Variants in CEP83 observed in about 807,000 individuals in gnomAD.
The protein encoded by CEP83 is centrosomal protein 83.
A neutral mutation model predicts 101.9 loss-of-function variants in CEP83; 70 were observed. The observed-to-expected ratio is 0.69, with a 90% CI of 0.57 to 0.84. The LOEUF (loss-of-function observed/expected upper bound fraction) is 0.84, where lower values mean the gene tolerates loss of function less well. Ranked by LOEUF, CEP83 falls within the 40% of genes least tolerant of loss-of-function variation. The pLI is 0.00. For missense variants in CEP83, 715 were observed against 787.2 expected, an observed-to-expected ratio of 0.91 and a Z score of 1.10; for synonymous variants, 264 against 267.9, an observed-to-expected ratio of 0.99 and a Z score of 0.14.
At chr12:94,445,978 T>C (rs1162073155) in intron 1 of CEP83, among the ~76,000 whole-genome samples, 1 of 152,240 alleles carries the variant, frequency 6.6e-6, no homozygotes, top group Non-Finnish European at 1.5e-5. Context: ...AAATTTCAAA[T>C]AAAGTATATA....
At chr12:94,376,745 ATATTT>A (rs1478590761) in intron 7 of CEP83, among the ~76,000 whole-genome samples, 59 of 113,262 alleles carry the variant, frequency 5.2e-4, no homozygotes, top group African/African-American at 1.7e-3. Flanking sequence ...ATATATATAT[ATATTT>A]TTTTTTTGAG....
chr12:94,331,621 C>T, intron 14 of CEP83, 79 bp downstream of exon 14: 17 of 1,280,718 alleles, frequency 1.3e-5, no homozygotes, highest in Non-Finnish European at 1.8e-5. Context: ...ATCCACCTGC[C>T]TCCGCCTCCC....
At chr12:94,320,489 T>G (rs1395350133) in intron 14 of CEP83, among the ~76,000 whole-genome samples, 2 of 152,196 alleles carry the variant, frequency 1.3e-5, no homozygotes, top group Non-Finnish European at 2.9e-5. Flanking sequence ...ATCTTTTTTT[T>G]TTAATGCTCT....
chr12:94,292,112 C>CT, the CEP83 span, among the ~76,000 whole-genome samples: 5 of 152,184 alleles, frequency 3.3e-5, no homozygotes, highest in African/African-American at 1.2e-4. Flanking sequence ...CATGAACTAA[C>CT]ACATAGTAAT....
intron 4 of CEP83, among the ~76,000 whole-genome samples, chr12:94,407,322 G>A (rs373416920): frequency 6.6e-6 from 1 of 152,108 alleles, no homozygotes; most frequent in African/African-American, 2.4e-5. Flanking sequence ...AAACTGCAAA[G>A]TATGTCAATC....
At chr12:94,320,688 A>C (rs912484452) in intron 14 of CEP83, among the ~76,000 whole-genome samples, 3 of 152,168 alleles carry the variant, frequency 2.0e-5, no homozygotes, top group Non-Finnish European at 4.4e-5. Context: ...TTCTTGGTTG[A>C]AGATTTTTTT....
chr12:94,316,791 G>A (rs902545227), intron 14 of CEP83, among the ~76,000 whole-genome samples: 78 of 152,296 alleles, frequency 5.1e-4, no homozygotes, highest in African/African-American at 1.8e-3. Context: ...ATTCCATGGT[G>A]TATATATACC....
At chr12:94,279,965 A>G in the CEP83 span, 2 of 458,700 alleles carry the variant, frequency 4.4e-6, no homozygotes. Context: ...ATCATGAAAT[A>G]CAGAAAGGTG....
At chr12:94,304,520 T>C (rs967932830), downstream of CEP83, among the ~76,000 whole-genome samples, 2 of 152,256 alleles carry the variant, frequency 1.3e-5, no homozygotes, top group African/African-American at 4.8e-5. Context: ...TGGGTTTTTT[T>C]CTTTGGAAAT....
At chr12:94,332,796 A>C (rs1424652885) in intron 13 of CEP83, among the ~76,000 whole-genome samples, 1 of 152,174 alleles carries the variant, frequency 6.6e-6, no homozygotes, top group Non-Finnish European at 1.5e-5. Flanking sequence ...AAACTGAAGA[A>C]ATACAGTTTT....
chr12:94,386,142 A>ATG (rs373409488), intron 6 of CEP83, among the ~76,000 whole-genome samples: 1 of 152,334 alleles, frequency 6.6e-6, no homozygotes, highest in East Asian at 1.9e-4. Context: ...AAACAGTCTG[A>ATG]TCTTTTCAAA....
At position 94,308,498 on chromosome 12, in the gene CEP83, C is replaced by T. The variant is rs573025884; in HGVS notation, c.*315G>A. On this transcript the variant is annotated 3_prime_UTR_variant, in exon 17 of 17. Coordinates refer to ENST00000397809, the MANE Select transcript of CEP83 (RefSeq NM_016122.3). ...GAATTAATGATAGTTATATTTCACT[C>T]AAAATGCCAAAAAAAAAAATTCAAC... 4.9e-5 allele frequency: 10 copies of T among 202,046 alleles called. No individual in the cohort carries two copies. The highest frequency in any genetic ancestry group is 2.4e-4 in the African/African-American group (10 of 42,086). The allele number at this position is 202,046 out of a possible 1,614,324, so 12.5% of individuals were successfully genotyped here. A position where few individuals can be genotyped will look rare whatever the true frequency, so the allele number is the denominator to read the frequency against.
At chr12:94,299,709 G>A in the CEP83 span, among the ~76,000 whole-genome samples, 1 of 152,096 alleles carries the variant, frequency 6.6e-6, no homozygotes, top group African/African-American at 2.4e-5. Flanking sequence ...ACACGAGCAT[G>A]CCACCGCACT....
intron 1 of CEP83, among the ~76,000 whole-genome samples, chr12:94,443,896 A>C (rs1346757157): frequency 6.6e-6 from 1 of 152,198 alleles, no homozygotes; most frequent in East Asian, 1.9e-4. Context: ...GAAAAACTAC[A>C]TATAATCTTC....
chr12:94,452,361 T>C (rs2067320485), intron 1 of CEP83, among the ~76,000 whole-genome samples: 1 of 152,114 alleles, frequency 6.6e-6, no homozygotes, highest in South Asian at 2.1e-4. Context: ...TAAAGCTGTT[T>C]AAAAAGGGCT....
chr12:94,325,758 C>G (rs1473251547), intron 14 of CEP83, among the ~76,000 whole-genome samples: 1 of 152,058 alleles, frequency 6.6e-6, no homozygotes, highest in Non-Finnish European at 1.5e-5. Flanking sequence ...ATTTGAGAGG[C>G]ATCATAAAGG....
At chr12:94,370,376 T>C (rs566090559) in intron 8 of CEP83, among the ~76,000 whole-genome samples, 1 of 152,186 alleles carries the variant, frequency 6.6e-6, no homozygotes, top group African/African-American at 2.4e-5. Context: ...CTTTTAAAAT[T>C]TGTTAATATT....
chr12:94,374,136 GCTCTAA>G (rs2061419592), intron 8 of CEP83, among the ~76,000 whole-genome samples: 1 of 151,988 alleles, frequency 6.6e-6, no homozygotes, highest in African/African-American at 2.4e-5. Flanking sequence ...AATCACCTAG[GCTCTAA>G]CTCTAAGAGG....
chr12:94,351,973 T>A (rs1204537957), intron 11 of CEP83, among the ~76,000 whole-genome samples: 3 of 152,190 alleles, frequency 2.0e-5, no homozygotes, highest in African/African-American at 7.2e-5. Context: ...GGAGACTACA[T>A]TACTGTACTA....
Sources: allele counts gnomAD v4.1 joint callset (sites outside exome capture counted in the v4.1 genomes callset), GRCh38; gene constraint gnomAD v4.1.1; transcripts MANE v1.5; gene names NCBI Gene and HGNC (gene_info 2026-07-23, HGNC 2026-07-21).